CAMTA1: variants seen among roughly 807,000 people sequenced by gnomAD.
The protein encoded by CAMTA1 is calmodulin-binding transcription activator 1.
A neutral mutation model predicts 170.9 loss-of-function variants in CAMTA1; 27 were observed. That is an observed-to-expected ratio of 0.16 (90% CI 0.12 to 0.22). The LOEUF (loss-of-function observed/expected upper bound fraction) is 0.22, where lower values mean the gene tolerates loss of function less well. CAMTA1 is among the 10% of genes least tolerant of loss of function. The pLI is 1.00. For synonymous variants in CAMTA1, 833 were observed against 891.5 expected (o/e 0.93, Z 1.17); for missense variants, 1,619 against 2,217.2 (o/e 0.73, Z 5.42).
chr1:7,184,709 A>G (rs1373619565), intron 4 of CAMTA1, among the ~76,000 whole-genome samples: 1 of 152,170 alleles, frequency 6.6e-6, no homozygotes, highest in Non-Finnish European at 1.5e-5. Flanking sequence ...CTCTGAGTAT[A>G]TCTGTTTATA....
chr1:7,675,756 G>C (rs1012991769), intron 10 of CAMTA1, among the ~76,000 whole-genome samples: 3 of 152,126 alleles, frequency 2.0e-5, no homozygotes, highest in African/African-American at 7.2e-5. Context: ...GCAATGGATG[G>C]ACCCAGGACT....
chr1:7,743,707 G>A (rs545818459), intron 16 of CAMTA1, among the ~76,000 whole-genome samples: 2 of 152,128 alleles, frequency 1.3e-5, no homozygotes, highest in South Asian at 4.1e-4. Context: ...CCGAAGTGCT[G>A]TGTTTCAGTT....
intron 3 of CAMTA1, among the ~76,000 whole-genome samples, chr1:6,935,463 G>A (rs1253106567): frequency 1.3e-5 from 2 of 152,086 alleles, no homozygotes; most frequent in Non-Finnish European, 2.9e-5. Context: ...CTCCAGTCGC[G>A]GGGCTGCAGC....
chr1:7,742,495 C>T (rs1186334613), intron 16 of CAMTA1, among the ~76,000 whole-genome samples: 2 of 152,130 alleles, frequency 1.3e-5, no homozygotes, highest in Non-Finnish European at 2.9e-5. Flanking sequence ...GAAAACTGCT[C>T]ATATACTAGG....
chr1:7,492,597 G>GCA (rs139294420), intron 6 of CAMTA1, among the ~76,000 whole-genome samples: 3 of 105,936 alleles, frequency 2.8e-5, no homozygotes, highest in South Asian at 3.5e-4. Flanking sequence ...ACACACACGC[G>GCA]TGCACACACA....
chr1:7,093,603 T>C lies in CAMTA1; in HGVS notation c.302+2232T>C, dbSNP rs932183580. Among the ~76,000 whole-genome samples, 2 of 152,162 alleles carry C rather than the reference T, an allele frequency of 1.3e-5. No homozygotes were observed. Among genetic ancestry groups the C allele is most frequent in the African/African-American group, 4.8e-5 (2 of 41,428 alleles). ...TTTGACGGCAGAACAGTAGAACATT[T>C]CAAGGCAGCGGTTTTACCTCGAGTT... On this transcript the variant is annotated intron_variant, in intron 4 of 22. Coordinates refer to ENST00000303635, the MANE Select transcript of CAMTA1 (RefSeq NM_015215.4). The surrounding 1 kb of genome is among the most constrained non-coding windows in gnomAD (Gnocchi z 4.6).
intron 1 of CAMTA1, among the ~76,000 whole-genome samples, chr1:6,797,438 T>A (rs1642803086): frequency 6.6e-6 from 1 of 151,162 alleles, no homozygotes; most frequent in South Asian, 2.1e-4. Flanking sequence ...CAGGCTGGAG[T>A]GCAGTGGCAT....
intron 1 of CAMTA1, among the ~76,000 whole-genome samples, chr1:6,799,996 T>C (rs761773501): frequency 3.9e-5 from 6 of 152,144 alleles, no homozygotes; most frequent in Non-Finnish European, 7.3e-5. Context: ...AAGAATAATA[T>C]GTTGACTCAA....
chr1:7,218,968 C>T (rs374428521), intron 4 of CAMTA1, among the ~76,000 whole-genome samples: 92 of 152,126 alleles, frequency 6.0e-4, no homozygotes, highest in Non-Finnish European at 1.1e-3. Flanking sequence ...CCTGGAAGTC[C>T]CTTACGTGGC....
At chr1:7,464,433 G>A (rs1420193361) in intron 5 of CAMTA1, among the ~76,000 whole-genome samples, 1 of 152,216 alleles carries the variant, frequency 6.6e-6, no homozygotes, top group Non-Finnish European at 1.5e-5. Flanking sequence ...GAATGGATTC[G>A]CCACACGGCC....
intron 3 of CAMTA1, among the ~76,000 whole-genome samples, chr1:7,030,033 A>T (rs1439307538): frequency 6.6e-6 from 1 of 152,218 alleles, no homozygotes; most frequent in Non-Finnish European, 1.5e-5. Context: ...ATTTAGCTTT[A>T]CACAGATGCA....
At chr1:7,083,425 G>A (rs891760403) in intron 3 of CAMTA1, among the ~76,000 whole-genome samples, 1 of 152,232 alleles carries the variant, frequency 6.6e-6, no homozygotes, top group African/African-American at 2.4e-5. Context: ...TGGGGATGTT[G>A]GTTTAGACCT....
chr1:7,108,936 G>A (rs151244502), intron 4 of CAMTA1, among the ~76,000 whole-genome samples: 1 of 152,130 alleles, frequency 6.6e-6, no homozygotes, highest in Non-Finnish European at 1.5e-5. Context: ...ACTGAGGCAG[G>A]ATCCACTCCC....
intron 4 of CAMTA1, among the ~76,000 whole-genome samples, chr1:7,246,938 G>A (rs1022787436): frequency 2.6e-5 from 4 of 152,062 alleles, no homozygotes; most frequent in African/African-American, 9.7e-5. Context: ...AAAGTACTGG[G>A]TCTGACTTGC....
At chr1:7,227,450 C>T (rs1355576012) in intron 4 of CAMTA1, among the ~76,000 whole-genome samples, 1 of 152,094 alleles carries the variant, frequency 6.6e-6, no homozygotes, top group Non-Finnish European at 1.5e-5. Context: ...GCCTCAGCCA[C>T]CTGAGTAGCT....
chr1:6,860,919 CA>C (rs1001461790), intron 3 of CAMTA1, among the ~76,000 whole-genome samples: 3 of 144,818 alleles, frequency 2.1e-5, no homozygotes, highest in African/African-American at 7.6e-5. Flanking sequence ...CTCAAAAAAA[CA>C]AAACAAAAAA....
chr1:7,453,724 A>G (rs2092884799), intron 5 of CAMTA1, among the ~76,000 whole-genome samples: 1 of 152,200 alleles, frequency 6.6e-6, no homozygotes, highest in Admixed American at 6.5e-5. Flanking sequence ...CCTCAGTAGG[A>G]GGCAAGGCCT....
chr1:7,633,021 C>G lies in CAMTA1; in HGVS notation c.511-7379C>G, dbSNP rs1489525681. 2.6e-5 allele frequency among the ~76,000 whole-genome samples: 4 copies of G among 152,228 alleles called. No homozygotes were observed. Reference sequence around the variant, plus strand: ...GTCCTGAGCCCTCTGCCTGCCTCACCCCCTCCTGGCAAGGTTCAGGCTAGC... The same window carrying G: ...GTCCTGAGCCCTCTGCCTGCCTCACGCCCTCCTGGCAAGGTTCAGGCTAGC... On this transcript the variant is annotated intron_variant, in intron 6 of 22. Transcript: ENST00000303635. The surrounding 1 kb of genome is among the most constrained non-coding windows in gnomAD (Gnocchi z 4.1).
Position 7,535,098 on chromosome 1 carries a change from C to T in CAMTA1, c.510+67197C>T, listed in dbSNP as rs996834739. ...CACCCCGGGCCAGCCACCCACAGGC[C>T]GTTGAGGCAGCAAGGCCGGCAGGTC... On this transcript the variant is annotated intron_variant, in intron 6 of 22. Transcript: ENST00000303635. 4.0e-5 allele frequency among the ~76,000 whole-genome samples: 6 copies of T among 150,006 alleles called. No homozygotes were observed. The South Asian group carries it at 6.3e-4, about 16-fold the overall frequency.
Sources: allele counts gnomAD v4.1 joint callset (sites outside exome capture counted in the v4.1 genomes callset), GRCh38; gene constraint gnomAD v4.1.1; non-coding constraint Gnocchi (gnomAD v3.1); transcripts MANE v1.5; gene names NCBI Gene and HGNC (gene_info 2026-07-23, HGNC 2026-07-21).